GRIK3: variants seen among roughly 807,000 people sequenced by gnomAD.
GRIK3 encodes the protein glutamate receptor ionotropic, kainate 3.
In GRIK3, 29 loss-of-function variants were observed where a neutral mutation model predicts 102.5. That is an observed-to-expected ratio of 0.28 (90% CI 0.21 to 0.39). GRIK3 has a LOEUF of 0.39. Ranked by LOEUF, GRIK3 falls within the 10% of genes least tolerant of loss-of-function variation. The pLI is 1.00. For missense variants in GRIK3, 908 were observed against 1,252.4 expected (o/e 0.73, Z 4.15); for synonymous variants, 511 against 504.9 (o/e 1.01, Z -0.16).
rs531105022 is a variant in GRIK3, at chr1:36,814,816, C to T, written c.2091+2244G>A. Among the ~76,000 whole-genome samples the T allele has an allele frequency of 1.2e-4, 19 of 152,258 alleles. No homozygotes were observed. The South Asian group carries it at 3.9e-3, about 32-fold the overall frequency. ...AAGCAGACAGACAAATGTATTTTCT[C>T]TGTACCCATATACAGGTAGACCCTC... On this transcript the variant is annotated intron_variant, in intron 13 of 15. Coordinates refer to ENST00000373091, the MANE Select transcript of GRIK3 (RefSeq NM_000831.4).
At position 36,953,314 on chromosome 1, in the gene GRIK3, G is replaced by A. The variant is rs77527558; in HGVS notation, c.116-62218C>T. 1.3e-3 allele frequency among the ~76,000 whole-genome samples: 197 copies of A among 152,308 alleles called. 3 individuals carry two copies. In the East Asian group the frequency reaches 0.031, roughly 24 times the overall value. On this transcript the variant is annotated intron_variant, in intron 1 of 15. Coordinates refer to ENST00000373091, the MANE Select transcript of GRIK3 (RefSeq NM_000831.4). ...AGGACCTGGCCTGGCACAGGTAGAGGGCAAGAGGAGTGAGGTCCAAGGGGG... is the reference window on the plus strand; with the variant it reads ...AGGACCTGGCCTGGCACAGGTAGAGAGCAAGAGGAGTGAGGTCCAAGGGGG...
At chr1:37,033,363 G>T (rs1447239462) in intron 1 of GRIK3, among the ~76,000 whole-genome samples, 1 of 152,210 alleles carries the variant, frequency 6.6e-6, no homozygotes, top group African/African-American at 2.4e-5. Context: ...TGCCCCAGGC[G>T]GGAGAGAGGC....
At chr1:37,001,504 G>A (rs757068661) in intron 1 of GRIK3, among the ~76,000 whole-genome samples, 39 of 152,084 alleles carry the variant, frequency 2.6e-4, no homozygotes, top group Non-Finnish European at 4.7e-4. Flanking sequence ...CTCATGGTGG[G>A]GACCTGGAAT....
intron 1 of GRIK3, among the ~76,000 whole-genome samples, chr1:36,954,630 T>A (rs1187391716): frequency 2.0e-5 from 3 of 152,048 alleles, no homozygotes; most frequent in Non-Finnish European, 2.9e-5. Flanking sequence ...AAAGGACAGG[T>A]CCCTGAGGTT....
intron 9 of GRIK3, among the ~76,000 whole-genome samples, chr1:36,845,896 C>T (rs1640514361): frequency 6.6e-6 from 1 of 152,300 alleles, no homozygotes; most frequent in African/African-American, 2.4e-5. Context: ...TTGGGCTTGC[C>T]TGGCAGGCAA....
chr1:36,940,024 G>C (rs1017796679), intron 1 of GRIK3, among the ~76,000 whole-genome samples: 1 of 152,196 alleles, frequency 6.6e-6, no homozygotes, highest in African/African-American at 2.4e-5. Flanking sequence ...ACACAGCTGT[G>C]AATAAGACAA....
chr1:37,006,966 A>C (rs989109418), intron 1 of GRIK3, among the ~76,000 whole-genome samples: 1 of 152,204 alleles, frequency 6.6e-6, no homozygotes, highest in African/African-American at 2.4e-5. Context: ...CTCGCTTCCT[A>C]TGACCCAGAT....
intron 1 of GRIK3, among the ~76,000 whole-genome samples, chr1:37,022,682 T>C (rs1186207669): frequency 6.6e-6 from 1 of 152,240 alleles, no homozygotes; most frequent in East Asian, 1.9e-4. Context: ...AAAATCCTCA[T>C]TGACAAAATG....
intron 1 of GRIK3, among the ~76,000 whole-genome samples, chr1:36,907,958 G>A (rs988052526): frequency 6.6e-6 from 1 of 152,066 alleles, no homozygotes; most frequent in Non-Finnish European, 1.5e-5. Context: ...TGGGCCCCTG[G>A]AAGCAGCCTG....
intron 13 of GRIK3, among the ~76,000 whole-genome samples, chr1:36,808,002 T>A (rs1642519026): frequency 6.6e-6 from 1 of 152,186 alleles, no homozygotes; most frequent in Admixed American, 6.5e-5. Context: ...CATGACTCTC[T>A]TACCTCTGCA....
rs141329360 is a variant in GRIK3 at position 36,850,149 on chromosome 1, C to T, written c.1326+162G>A. Reference sequence around the variant, plus strand: ...CCCGTGGCAGCGAGCAGCGCTGCTGCGCTCCAGCTGCTCTCTGAGAACTTC... The same window carrying T: ...CCCGTGGCAGCGAGCAGCGCTGCTGTGCTCCAGCTGCTCTCTGAGAACTTC... On this transcript the variant is annotated intron_variant, in intron 9 of 15. Coordinates refer to ENST00000373091, the MANE Select transcript of GRIK3 (RefSeq NM_000831.4). This position sits in a 1 kb window ranked among gnomAD's most constrained non-coding sequence, Gnocchi z 4.0. 3.0e-3 allele frequency: 1,831 copies of T among 600,920 alleles called. 16 individuals carry two copies. Among genetic ancestry groups the T allele is most frequent in the African/African-American group, 1.0e-2 (539 of 54,136 alleles). The allele number at this position is 600,920 out of a possible 1,614,324, so 37.2% of individuals were successfully genotyped here.
rs567636689 is a variant in GRIK3, at chr1:36,850,122, C to T, written c.1326+189G>A. The stretch of plus-strand genomic sequence containing the variant: ...TGAGACACAAAAACGCAGCGGCTTC[C>T]GCCCGTGGCAGCGAGCAGCGCTGCT... On this transcript the variant is annotated intron_variant, in intron 9 of 15. Transcript: ENST00000373091. This position sits in a 1 kb window ranked among gnomAD's most constrained non-coding sequence, Gnocchi z 4.0. 64 of 576,250 alleles carry T rather than the reference C, an allele frequency of 1.1e-4. No individual in the cohort carries two copies. Among genetic ancestry groups the T allele is most frequent in the Middle Eastern group, 4.6e-4 (1 of 2,156 alleles). 35.7% of individuals were successfully genotyped at this position (576,250 alleles called of 1,614,324 possible). A position where few individuals can be genotyped will look rare whatever the true frequency, so the allele number is the denominator to read the frequency against.
intron 1 of GRIK3, among the ~76,000 whole-genome samples, chr1:36,952,658 C>T (rs1175194754): frequency 6.6e-6 from 1 of 152,140 alleles, no homozygotes; most frequent in Non-Finnish European, 1.5e-5. Flanking sequence ...AGGAACTTGC[C>T]TCCAGGGAGC....
intron 2 of GRIK3, among the ~76,000 whole-genome samples, chr1:36,890,170 C>G (rs940726367): frequency 6.6e-6 from 1 of 152,172 alleles, no homozygotes; most frequent in East Asian, 1.9e-4. Flanking sequence ...GCAGAGTGGC[C>G]TCAAAAATGT....
chr1:36,923,495 C>G (rs1478208374), intron 1 of GRIK3, among the ~76,000 whole-genome samples: 1 of 152,166 alleles, frequency 6.6e-6, no homozygotes, highest in South Asian at 2.1e-4. Context: ...AAGGCAGAAG[C>G]AGCAGGCCAC....
chr1:36,820,148 G>A (rs1642680671), intron 11 of GRIK3, among the ~76,000 whole-genome samples: 1 of 152,148 alleles, frequency 6.6e-6, no homozygotes, highest in Non-Finnish European at 1.5e-5. Context: ...GGAGCATCAA[G>A]AGAAGCACAC....
In GRIK3 at chr1:36,992,028, G is replaced by A. The variant is rs534982555; in HGVS notation, c.115+41966C>T. ...CTGGCAGTAAAAGAGGACCTGGGGGGTGGTTCCCAGGAGAAAGCCCGACTC... is the reference window on the plus strand; with the variant it reads ...CTGGCAGTAAAAGAGGACCTGGGGGATGGTTCCCAGGAGAAAGCCCGACTC... On this transcript the variant is annotated intron_variant, in intron 1 of 15. Coordinates refer to ENST00000373091, the MANE Select transcript of GRIK3 (RefSeq NM_000831.4). Among the ~76,000 whole-genome samples, 37 of 152,298 alleles carry A rather than the reference G, an allele frequency of 2.4e-4. No homozygotes were observed. The South Asian group carries it at 7.5e-3, about 31-fold the overall frequency.
intron 1 of GRIK3, among the ~76,000 whole-genome samples, chr1:36,939,404 G>A (rs1024132945): frequency 5.3e-5 from 8 of 152,226 alleles, no homozygotes; most frequent in African/African-American, 1.9e-4. Context: ...ATAGTAAGGA[G>A]AGCTACGTTG....
chr1:36,846,097 G>T (rs935322321), intron 9 of GRIK3, among the ~76,000 whole-genome samples: 1 of 152,216 alleles, frequency 6.6e-6, no homozygotes, highest in Admixed American at 6.5e-5. Flanking sequence ...AGAGTGGGCC[G>T]GGTGTGTTTT....
Sources: gnomAD v4.1 joint callset for allele counts (sites outside exome capture counted in the v4.1 genomes callset) on GRCh38, gnomAD v4.1.1 for gene constraint, Gnocchi (gnomAD v3.1) non-coding constraint, MANE v1.5 for transcripts, NCBI Gene and HGNC (gene_info 2026-07-23, HGNC 2026-07-21) for gene names.